Variants in AFAP1 observed in about 807,000 individuals in gnomAD.
The protein encoded by AFAP1 is actin filament-associated protein 1.
A neutral mutation model predicts 93.9 loss-of-function variants in AFAP1; 75 were observed. That is an observed-to-expected ratio of 0.80 (90% CI 0.66 to 0.97). The LOEUF (loss-of-function observed/expected upper bound fraction) is 0.97, where lower values mean the gene tolerates loss of function less well. Among genes scored for constraint, AFAP1 ranks in the 50% least tolerant of loss-of-function variants. The pLI, the probability that AFAP1 is intolerant of heterozygous loss-of-function variation, is 0.00. For synonymous variants in AFAP1, 517 were observed against 430.7 expected, an observed-to-expected ratio of 1.20 and a Z score of -2.48; for missense variants, 1,201 against 1,050.8, an observed-to-expected ratio of 1.14 and a Z score of -1.98.
chr4:7,772,778 A>G lies in AFAP1; in HGVS notation c.2253+42T>C, dbSNP rs1292498701. On this transcript the variant is annotated intron_variant, in intron 16 of 17. Coordinates refer to ENST00000420658, the MANE Select transcript of AFAP1 (RefSeq NM_001134647.2). ...TGGGTGCACTGGCCCTCGGCCACGC[A>G]AGGCCGCGCCAGCCTCCGAGGTGAG... is the stretch of plus-strand genomic sequence containing the variant. 4.4e-6 allele frequency: 7 copies of G among 1,590,854 alleles called. No individual in the cohort carries two copies. In the African/African-American group the frequency reaches 6.7e-5, roughly 15 times the overall value.
chr4:7,934,478 C>G (rs985096727), intron 1 of AFAP1, among the ~76,000 whole-genome samples: 4 of 152,170 alleles, frequency 2.6e-5, no homozygotes, highest in Admixed American at 2.0e-4. Flanking sequence ...GACAGTATAA[C>G]TTAGTATGTG....
At chr4:7,878,557 T>C (rs1717658386) in intron 1 of AFAP1, among the ~76,000 whole-genome samples, 2 of 152,146 alleles carry the variant, frequency 1.3e-5, no homozygotes, top group African/African-American at 4.8e-5. Flanking sequence ...AAATCTCCCT[T>C]TACAATACAG....
intron 11 of AFAP1, among the ~76,000 whole-genome samples, chr4:7,792,290 C>T (rs1717931271): frequency 6.6e-6 from 1 of 152,118 alleles, no homozygotes; most frequent in Non-Finnish European, 1.5e-5. Flanking sequence ...TAGATCTTTC[C>T]CCAAGCATGA....
chr4:7,810,963 G>A (rs1000621111), intron 8 of AFAP1, among the ~76,000 whole-genome samples: 1 of 152,216 alleles, frequency 6.6e-6, no homozygotes, highest in Admixed American at 6.5e-5. Context: ...GCAGGGGCAG[G>A]GATCAGGCAA....
At chr4:7,783,927 G>A (rs1717021508) in intron 12 of AFAP1, among the ~76,000 whole-genome samples, 1 of 152,184 alleles carries the variant, frequency 6.6e-6, no homozygotes, top group South Asian at 2.1e-4. Context: ...GGATGCAGAT[G>A]AGTGTGGTAA....
intron 9 of AFAP1, among the ~76,000 whole-genome samples, chr4:7,808,030 CAAAAT>C (rs753707039): frequency 2.0e-5 from 3 of 152,124 alleles, no homozygotes; most frequent in Non-Finnish European, 2.9e-5. Flanking sequence ...TTTGGCATCT[CAAAAT>C]AAAACCCAAC....
chr4:7,812,827 G>C (rs148566046), intron 8 of AFAP1, among the ~76,000 whole-genome samples: 1 of 152,332 alleles, frequency 6.6e-6, no homozygotes, highest in East Asian at 1.9e-4. Flanking sequence ...AGGAATAGGG[G>C]CATGAGAAAT....
chr4:7,846,688 ACTAT>A (rs890449362), intron 4 of AFAP1, among the ~76,000 whole-genome samples: 2 of 152,178 alleles, frequency 1.3e-5, no homozygotes, highest in African/African-American at 2.4e-5. Flanking sequence ...CTTTTTAAAA[ACTAT>A]CTATATTTAC....
At chr4:7,886,859 C>T (rs1266863483) in intron 1 of AFAP1, among the ~76,000 whole-genome samples, 1 of 152,172 alleles carries the variant, frequency 6.6e-6, no homozygotes, top group Non-Finnish European at 1.5e-5. Flanking sequence ...ATATCGAAAG[C>T]ACAGTGTTTC....
At chr4:7,820,570 G>A (rs1409657544) in intron 6 of AFAP1, among the ~76,000 whole-genome samples, 1 of 152,186 alleles carries the variant, frequency 6.6e-6, no homozygotes, top group African/African-American at 2.4e-5. Flanking sequence ...AGTCTCCAAG[G>A]AGAGGGAGAA....
In AFAP1 at chr4:7,939,564, C is replaced by G; in HGVS notation, c.-3+92G>C. On this transcript the variant is annotated intron_variant, in intron 1 of 17. Coordinates refer to ENST00000420658, the MANE Select transcript of AFAP1 (RefSeq NM_001134647.2). This position sits in a 1 kb window ranked among gnomAD's most constrained non-coding sequence, Gnocchi z 5.6. ...AGACAAAGCCCAGGCGCACGGACCC[C>G]GGACCCTGCGGAGCCCCGCTCGGAG... The G allele has an allele frequency of 2.6e-6, 1 of 385,488 alleles. No individual in the cohort carries two copies. The highest frequency in any genetic ancestry group is 1.8e-5 in the South Asian group (1 of 55,892). The allele number at this position is 385,488 out of a possible 1,614,324, so 23.9% of individuals were successfully genotyped here. A position where few individuals can be genotyped will look rare whatever the true frequency, so the allele number is the denominator to read the frequency against.
chr4:7,887,999 G>A (rs547021491), intron 1 of AFAP1, among the ~76,000 whole-genome samples: 3 of 152,092 alleles, frequency 2.0e-5, no homozygotes, highest in Non-Finnish European at 4.4e-5. Context: ...GCTAAGTTTT[G>A]TATTTTTGGT....
At chr4:7,889,563 A>G (rs1560221645) in intron 1 of AFAP1, among the ~76,000 whole-genome samples, 1 of 151,264 alleles carries the variant, frequency 6.6e-6, no homozygotes, top group Non-Finnish European at 1.5e-5. Context: ...AAAAAAGAAA[A>G]AAAAAAAGGC....
At chr4:7,880,029 T>C (rs1332680149) in intron 1 of AFAP1, among the ~76,000 whole-genome samples, 2 of 152,070 alleles carry the variant, frequency 1.3e-5, no homozygotes, top group Non-Finnish European at 2.9e-5. Flanking sequence ...AAATAAGAAT[T>C]AGAACTAGAC....
chr4:7,857,272 A>T (rs373150971), intron 3 of AFAP1, among the ~76,000 whole-genome samples: 2 of 151,840 alleles, frequency 1.3e-5, no homozygotes, highest in African/African-American at 4.8e-5. Flanking sequence ...AGAAAGTACG[A>T]CTCCATCGCT....
chr4:7,828,391 G>A (rs1044302525), intron 6 of AFAP1, among the ~76,000 whole-genome samples: 4 of 152,168 alleles, frequency 2.6e-5, no homozygotes, highest in Admixed American at 1.3e-4. Flanking sequence ...TTTGAAATTC[G>A]AGACAGCAGC....
At chr4:7,816,962 C>T (rs1720532180) in intron 7 of AFAP1, among the ~76,000 whole-genome samples, 1 of 152,186 alleles carries the variant, frequency 6.6e-6, no homozygotes, top group Non-Finnish European at 1.5e-5. Flanking sequence ...GCTGGCACCG[C>T]CCTGGCTCTC....
intron 1 of AFAP1, among the ~76,000 whole-genome samples, chr4:7,884,088 G>A (rs535924247): frequency 6.6e-6 from 1 of 152,150 alleles, no homozygotes; most frequent in East Asian, 1.9e-4. Context: ...CAGGAAAAGT[G>A]GTTGTTTAAG....
At chr4:7,826,359 T>C (rs964527864) in intron 6 of AFAP1, among the ~76,000 whole-genome samples, 5 of 152,216 alleles carry the variant, frequency 3.3e-5, no homozygotes, top group African/African-American at 1.2e-4. Flanking sequence ...TGCAAGGCAG[T>C]TGCCCTACAG....
Sources: allele counts gnomAD v4.1 joint callset (sites outside exome capture counted in the v4.1 genomes callset), GRCh38; gene constraint gnomAD v4.1.1; non-coding constraint Gnocchi (gnomAD v3.1); transcripts MANE v1.5; gene names NCBI Gene and HGNC (gene_info 2026-07-23, HGNC 2026-07-21).